LRMDA: variants seen among roughly 807,000 people sequenced by gnomAD.
LRMDA encodes the protein leucine-rich melanocyte differentiation-associated protein.
LRMDA carries 18 observed loss-of-function variants against 29.8 expected under a neutral mutation model. The observed-to-expected ratio is 0.60, with a 90% confidence interval of 0.42 to 0.90. The LOEUF (loss-of-function observed/expected upper bound fraction) is 0.90, where lower values mean the gene tolerates loss of function less well. LRMDA is among the 40% of genes least tolerant of loss of function. LRMDA has a pLI of 0.00. For synonymous variants in LRMDA, 125 were observed against 109.4 expected, an observed-to-expected ratio of 1.14 and a Z score of -0.89; for missense variants, 273 against 273.9, an observed-to-expected ratio of 1.00 and a Z score of 0.02.
chr10:76,550,004 T>A (rs528299046), intron 6 of LRMDA, among the ~76,000 whole-genome samples: 52 of 152,300 alleles, frequency 3.4e-4, no homozygotes, highest in Middle Eastern at 3.4e-3. Context: ...TAAAAATAAA[T>A]GACTCTAAAA....
At chr10:76,148,493 T>C (rs1387737528) in intron 5 of LRMDA, among the ~76,000 whole-genome samples, 9 of 152,134 alleles carry the variant, frequency 5.9e-5, no homozygotes, top group Non-Finnish European at 1.5e-5. Context: ...CTCCGAGCCA[T>C]GTGTGGGATA....
intron 6 of LRMDA, among the ~76,000 whole-genome samples, chr10:76,440,364 T>C (rs980841123): frequency 2.0e-5 from 3 of 152,192 alleles, no homozygotes; most frequent in Non-Finnish European, 4.4e-5. Context: ...TTCATAGTCA[T>C]GGTTCAGGGT....
intron 6 of LRMDA, among the ~76,000 whole-genome samples, chr10:76,477,524 C>G (rs923089165): frequency 8.5e-5 from 13 of 152,082 alleles, no homozygotes; most frequent in Non-Finnish European, 1.6e-4. Context: ...CTACCAATGA[C>G]TTTCTTCACA....
At chr10:76,041,522 G>A (rs1848337793) in intron 3 of LRMDA, among the ~76,000 whole-genome samples, 2 of 152,304 alleles carry the variant, frequency 1.3e-5, no homozygotes, top group East Asian at 3.9e-4. Context: ...CAAAAACCCA[G>A]TATTAGGATT....
intron 6 of LRMDA, among the ~76,000 whole-genome samples, chr10:76,536,168 A>G (rs1437605848): frequency 2.0e-5 from 3 of 152,194 alleles, no homozygotes; most frequent in African/African-American, 4.8e-5. Context: ...TCCTATACGT[A>G]AGGGCATTTT....
chr10:75,446,445 A>G (rs1407848940), intron 2 of LRMDA, among the ~76,000 whole-genome samples: 3 of 152,244 alleles, frequency 2.0e-5, no homozygotes, highest in Non-Finnish European at 4.4e-5. Flanking sequence ...GGCTCCTCAC[A>G]GATAGTCAGG....
chr10:76,351,791 G>C (rs1841179860), intron 6 of LRMDA, among the ~76,000 whole-genome samples: 1 of 151,930 alleles, frequency 6.6e-6, no homozygotes, highest in Non-Finnish European at 1.5e-5. Context: ...AAGAGACTTA[G>C]AGCTCATTTG....
At chr10:75,956,117 G>A (rs1846659532) in intron 2 of LRMDA, among the ~76,000 whole-genome samples, 1 of 152,174 alleles carries the variant, frequency 6.6e-6, no homozygotes, top group South Asian at 2.1e-4. Flanking sequence ...GTCACCTGAA[G>A]GCTTGACTGG....
intron 2 of LRMDA, among the ~76,000 whole-genome samples, chr10:75,447,148 A>G (rs1226314572): frequency 2.0e-5 from 3 of 152,234 alleles, no homozygotes; most frequent in African/African-American, 7.2e-5. Context: ...CCTAGGAGGC[A>G]AGGTTCTATG....
chr10:76,447,805 C>A (rs899118113), intron 6 of LRMDA, among the ~76,000 whole-genome samples: 1 of 152,282 alleles, frequency 6.6e-6, no homozygotes, highest in East Asian at 1.9e-4. Flanking sequence ...ACAGCCTTCT[C>A]TTTGCCTTTG....
intron 2 of LRMDA, among the ~76,000 whole-genome samples, chr10:75,904,151 G>C (rs1027995749): frequency 2.0e-5 from 3 of 152,124 alleles, no homozygotes; most frequent in African/African-American, 7.2e-5. Context: ...GGTTTCTAAG[G>C]CATCATCCTC....
At chr10:76,083,079 G>C (rs1849073474) in intron 5 of LRMDA, among the ~76,000 whole-genome samples, 1 of 152,156 alleles carries the variant, frequency 6.6e-6, no homozygotes, top group African/African-American at 2.4e-5. Context: ...CTGTGCTTTT[G>C]ATAAACTGAC....
intron 2 of LRMDA, among the ~76,000 whole-genome samples, chr10:75,998,347 C>A (rs538786905): frequency 4.6e-5 from 7 of 152,268 alleles, no homozygotes; most frequent in African/African-American, 1.7e-4. Flanking sequence ...ACGCAGTGGG[C>A]ACCTAATAAG....
intron 5 of LRMDA, among the ~76,000 whole-genome samples, chr10:76,301,720 G>A (rs1209589046): frequency 6.6e-6 from 1 of 152,146 alleles, no homozygotes; most frequent in Non-Finnish European, 1.5e-5. Context: ...GTAGACAAAT[G>A]GCTGTTAACA....
At chr10:76,054,287 C>G (rs1449501084) in intron 4 of LRMDA, among the ~76,000 whole-genome samples, 2 of 152,140 alleles carry the variant, frequency 1.3e-5, no homozygotes, top group African/African-American at 2.4e-5. Context: ...CCCAGGCTGG[C>G]CCACGGGATG....
chr10:76,423,849 C>T (rs944311086), intron 6 of LRMDA, among the ~76,000 whole-genome samples: 4 of 152,142 alleles, frequency 2.6e-5, no homozygotes, highest in African/African-American at 9.7e-5. Context: ...TAGGAATCAC[C>T]TTCTCAGATA....
At chr10:75,562,081 A>G (rs945818854) in intron 2 of LRMDA, among the ~76,000 whole-genome samples, 22 of 151,994 alleles carry the variant, frequency 1.4e-4, no homozygotes, top group Non-Finnish European at 2.8e-4. Context: ...ATTCCTGGGT[A>G]TCCTTGTTAA....
chr10:75,462,580 C>T (rs933541776), intron 2 of LRMDA, among the ~76,000 whole-genome samples: 3 of 152,036 alleles, frequency 2.0e-5, no homozygotes, highest in African/African-American at 7.3e-5. Context: ...AGAGGGGATC[C>T]GGGAATTGGG....
At position 75,551,536 on chromosome 10, in the gene LRMDA, A is replaced by T. The variant is rs1258829234; in HGVS notation, c.131+113042A>T. ...GTGTGATGTTCCCCTCCCTGTGTCC[A>T]TGTGTTCTAATTGTTCAGCTCCCAC... is the stretch of plus-strand genomic sequence containing the variant. On this transcript the variant is annotated intron_variant, in intron 2 of 6. Transcript: ENST00000611255. Among the ~76,000 whole-genome samples, 28 of 145,098 alleles carry T rather than the reference A, an allele frequency of 1.9e-4. No homozygotes were observed. The Admixed American group carries it at 1.9e-3, about 10-fold the overall frequency.
Sources: gnomAD v4.1 joint callset for allele counts (sites outside exome capture counted in the v4.1 genomes callset) on GRCh38, gnomAD v4.1.1 for gene constraint, MANE v1.5 for transcripts, NCBI Gene and HGNC (gene_info 2026-07-23, HGNC 2026-07-21) for gene names.